Variants in SNX29 observed in about 807,000 individuals in gnomAD.
The protein encoded by SNX29 is sorting nexin-29.
In SNX29, 78 loss-of-function variants were observed where a neutral mutation model predicts 102.1. The ratio of observed to expected loss-of-function variants is 0.76; its 90% CI spans 0.64 to 0.92. The LOEUF is 0.92. SNX29 is among the 40% of genes least tolerant of loss of function. The pLI, the probability that SNX29 is intolerant of heterozygous loss-of-function variation, is 0.00. For missense variants in SNX29, 1,280 were observed against 1,061.7 expected (o/e 1.21, Z -2.86); for synonymous variants, 580 against 414.5 (o/e 1.40, Z -4.85).
intron 14 of SNX29, among the ~76,000 whole-genome samples, chr16:12,258,715 C>T (rs2078646291): frequency 6.6e-6 from 1 of 152,164 alleles, no homozygotes; most frequent in Non-Finnish European, 1.5e-5. Flanking sequence ...AATGGTACTT[C>T]GCTGCCTTTC....
At chr16:12,038,451 C>G (rs575159588) in intron 4 of SNX29, among the ~76,000 whole-genome samples, 99 of 152,324 alleles carry the variant, frequency 6.5e-4, no homozygotes, top group African/African-American at 2.2e-3. Flanking sequence ...TGGCATTCGG[C>G]TTTCAGGTGT....
intron 15 of SNX29, among the ~76,000 whole-genome samples, chr16:12,295,076 C>G (rs143806052): frequency 1.3e-5 from 2 of 152,192 alleles, no homozygotes; most frequent in African/African-American, 2.4e-5. Flanking sequence ...ACCACAAGAA[C>G]AGTATGGGGG....
At chr16:12,565,467 C>T (rs1461926173) in intron 20 of SNX29, among the ~76,000 whole-genome samples, 1 of 152,196 alleles carries the variant, frequency 6.6e-6, no homozygotes, top group East Asian at 1.9e-4. Flanking sequence ...TGGGTTCTCT[C>T]AAACCATCAC....
chr16:12,511,851 A>G (rs983509122), intron 19 of SNX29, among the ~76,000 whole-genome samples: 1 of 151,490 alleles, frequency 6.6e-6, no homozygotes, highest in Non-Finnish European at 1.5e-5. Flanking sequence ...ACAGCCTCCT[A>G]TGGGACTTGA....
At chr16:12,518,196 A>G (rs1295549026) in intron 19 of SNX29, among the ~76,000 whole-genome samples, 2 of 151,872 alleles carry the variant, frequency 1.3e-5, no homozygotes, top group Non-Finnish European at 2.9e-5. Context: ...AGCTTCCTAC[A>G]CCCTACTGTC....
intron 20 of SNX29, among the ~76,000 whole-genome samples, chr16:12,536,802 C>A (rs929692786): frequency 2.6e-5 from 4 of 152,044 alleles, no homozygotes; most frequent in Non-Finnish European, 1.5e-5. Flanking sequence ...ATGGTAAAAC[C>A]CCATCTCTAT....
intron 15 of SNX29, among the ~76,000 whole-genome samples, chr16:12,286,236 A>C (rs906093569): frequency 6.6e-6 from 1 of 152,024 alleles, no homozygotes; most frequent in Non-Finnish European, 1.5e-5. Context: ...TGGAGTGTTT[A>C]AGTGTCTCCT....
intron 19 of SNX29, among the ~76,000 whole-genome samples, chr16:12,498,669 T>C (rs2088951787): frequency 6.6e-6 from 1 of 152,220 alleles, no homozygotes; most frequent in Admixed American, 6.5e-5. Flanking sequence ...TAAGCAAACA[T>C]GTAGGTAGTC....
intron 19 of SNX29, among the ~76,000 whole-genome samples, chr16:12,512,665 A>G (rs1406430355): frequency 6.6e-6 from 1 of 151,810 alleles, no homozygotes; most frequent in Non-Finnish European, 1.5e-5. Context: ...TCTCTCTACC[A>G]TGGGTGCCTG....
intron 8 of SNX29, chr16:12,053,199 G>A (rs948343703): frequency 1.3e-5 from 2 of 151,402 alleles, no homozygotes; most frequent in Admixed American, 1.3e-4. Flanking sequence ...GGATGCTGAG[G>A]CAGGAGAATC....
chr16:12,547,895 G>C (rs746556675), intron 20 of SNX29, among the ~76,000 whole-genome samples: 7 of 152,164 alleles, frequency 4.6e-5, no homozygotes, highest in Admixed American at 6.5e-5. Flanking sequence ...TTCTAGGGCT[G>C]TATAGGAGCT....
At chr16:12,343,956 A>G (rs995179143) in intron 15 of SNX29, among the ~76,000 whole-genome samples, 14 of 152,240 alleles carry the variant, frequency 9.2e-5, no homozygotes, top group East Asian at 7.7e-4. Flanking sequence ...TAATTCCCAC[A>G]TGTTGTGGGA....
intron 19 of SNX29, among the ~76,000 whole-genome samples, chr16:12,491,366 C>CA (rs1209581573): frequency 6.6e-6 from 1 of 152,226 alleles, no homozygotes; most frequent in African/African-American, 2.4e-5. Flanking sequence ...AAGATGGCAG[C>CA]ACCAGTGGTT....
chr16:12,529,799 T>C (rs2076883697), intron 20 of SNX29, among the ~76,000 whole-genome samples: 2 of 152,190 alleles, frequency 1.3e-5, no homozygotes, highest in South Asian at 4.1e-4. Flanking sequence ...TGCCACACCC[T>C]GACCTGTGCA....
chr16:12,535,662 A>G (rs2077055633), intron 20 of SNX29, among the ~76,000 whole-genome samples: 1 of 152,154 alleles, frequency 6.6e-6, no homozygotes, highest in Non-Finnish European at 1.5e-5. Flanking sequence ...GAATATCTTC[A>G]GGGCTGGGGC....
chr16:12,338,997 G>GTCCC (rs1264060837), intron 15 of SNX29, among the ~76,000 whole-genome samples: 1 of 152,078 alleles, frequency 6.6e-6, no homozygotes, highest in Non-Finnish European at 1.5e-5. Flanking sequence ...ACCTGTGGCC[G>GTCCC]TCATGGGCTG....
chr16:12,011,082 C>A (rs569486034), intron 3 of SNX29, among the ~76,000 whole-genome samples: 1 of 151,990 alleles, frequency 6.6e-6, no homozygotes, highest in African/African-American at 2.4e-5. Context: ...ATTGGACTCT[C>A]CCCCTCCCTT....
At chr16:12,388,126 G>C (rs570690718) in intron 16 of SNX29, among the ~76,000 whole-genome samples, 85 of 152,302 alleles carry the variant, frequency 5.6e-4, no homozygotes, top group African/African-American at 1.8e-3. Flanking sequence ...CCGAGCTTTA[G>C]GGCTTCCTTC....
At chr16:12,401,094 G>A (rs921388878) in intron 17 of SNX29, among the ~76,000 whole-genome samples, 7 of 152,110 alleles carry the variant, frequency 4.6e-5, no homozygotes, top group Non-Finnish European at 8.8e-5. Flanking sequence ...GCCTCCCAAA[G>A]TGTTGAGATT....
Sources: allele counts gnomAD v4.1 joint callset (sites outside exome capture counted in the v4.1 genomes callset), GRCh38; gene constraint gnomAD v4.1.1; transcripts MANE v1.5; gene names NCBI Gene and HGNC (gene_info 2026-07-23, HGNC 2026-07-21).